The following MDGA2 variants were observed in gnomAD, a reference collection of about 807,000 sequenced individuals.
The protein encoded by MDGA2 is MAM domain-containing glycosylphosphatidylinositol anchor protein 2.
A neutral mutation model predicts 117.8 loss-of-function variants in MDGA2; 40 were observed. The ratio of observed to expected loss-of-function variants is 0.34; its 90% confidence interval spans 0.26 to 0.44. MDGA2 has a LOEUF of 0.44. Ranked by LOEUF, MDGA2 falls within the 20% of genes least tolerant of loss-of-function variation. MDGA2 has a pLI of 1.00. For missense variants in MDGA2, 1,123 were observed against 1,250.6 expected (o/e 0.90, Z 1.54); for synonymous variants, 452 against 439.0 (o/e 1.03, Z -0.37).
chr14:47,341,070 G>T (rs780927544), intron 1 of MDGA2, among the ~76,000 whole-genome samples: 1 of 152,108 alleles, frequency 6.6e-6, no homozygotes, highest in Non-Finnish European at 1.5e-5. Context: ...ACAGCAGCTT[G>T]TTGTTGCTTT....
chr14:47,363,280 C>T (rs998230397), intron 1 of MDGA2, among the ~76,000 whole-genome samples: 2 of 151,788 alleles, frequency 1.3e-5, no homozygotes, highest in Non-Finnish European at 2.9e-5. Context: ...TTTTTTGAGA[C>T]GGAGTCTTGC....
At chr14:47,266,903 C>T (rs1162242347) in intron 2 of MDGA2, among the ~76,000 whole-genome samples, 2 of 152,192 alleles carry the variant, frequency 1.3e-5, no homozygotes, top group Non-Finnish European at 2.9e-5. Context: ...TTATCCAGAA[C>T]ATCCCCATTC....
intron 1 of MDGA2, among the ~76,000 whole-genome samples, chr14:47,390,877 C>A (rs1891878368): frequency 6.6e-6 from 1 of 152,098 alleles, no homozygotes; most frequent in African/African-American, 2.4e-5. Context: ...TTCTTGATAT[C>A]CTTGGCTGAA....
chr14:47,456,294 C>CTTTT lies in MDGA2; in HGVS notation c.281-154748_281-154745dup, dbSNP rs56176876. On this transcript the variant is annotated intron_variant, in intron 1 of 16. Transcript: ENST00000399232. ...CAGTGTGAGCAAGAAAATTGTTTAC[C>CTTTT]TTTTTTTTTTTTTTTGAGAAGGAGT... 7.8e-5 allele frequency among the ~76,000 whole-genome samples: 11 copies of CTTTT among 140,640 alleles called. 1 individual carries two copies. The highest frequency in any genetic ancestry group is 2.1e-4 in the East Asian group (1 of 4,738). The allele number at this position is 140,640 out of a possible 152,430, so 92.3% of individuals were successfully genotyped here. A position where few individuals can be genotyped will look rare whatever the true frequency, so the allele number is the denominator to read the frequency against.
At chr14:47,404,741 G>A (rs551820813) in intron 1 of MDGA2, among the ~76,000 whole-genome samples, 31 of 152,166 alleles carry the variant, frequency 2.0e-4, no homozygotes, top group Non-Finnish European at 3.5e-4. Context: ...CAATCCTCCC[G>A]CCTTGGCCTC....
At chr14:47,627,805 T>G (rs1041126807) in intron 1 of MDGA2, among the ~76,000 whole-genome samples, 3 of 152,300 alleles carry the variant, frequency 2.0e-5, no homozygotes, top group Non-Finnish European at 4.4e-5. Flanking sequence ...ACTCTTTGGG[T>G]CCACACTGCC....
At chr14:47,333,893 T>C (rs1566743023) in intron 1 of MDGA2, among the ~76,000 whole-genome samples, 1 of 151,876 alleles carries the variant, frequency 6.6e-6, no homozygotes, top group Non-Finnish European at 1.5e-5. Context: ...TTTATTAAAA[T>C]GATTTCTCAG....
rs911103719 is a variant in MDGA2 at position 47,665,500 on chromosome 14, C to A, written c.280+9017G>T. On this transcript the variant is annotated intron_variant, in intron 1 of 16. Coordinates refer to ENST00000399232, the MANE Select transcript of MDGA2 (RefSeq NM_001113498.3). ...TCTCCGGGCTGGCTGAGGCTGGAGC[C>A]GGCTCCCTCGGCTTGTGGGGAGGTG... Among the ~76,000 whole-genome samples, 6 of 152,126 alleles carry A rather than the reference C, an allele frequency of 3.9e-5. No homozygotes were observed. In the South Asian group the frequency reaches 1.2e-3, roughly 31 times the overall value.
chr14:47,083,995 T>C (rs2416020), intron 6 of MDGA2, among the ~76,000 whole-genome samples: 1 of 151,856 alleles, frequency 6.6e-6, no homozygotes, highest in Non-Finnish European at 1.5e-5. Context: ...GACTTTGATA[T>C]TCCCCCCTTT....
chr14:47,241,619 AAATT>A (rs1164785972), intron 2 of MDGA2, among the ~76,000 whole-genome samples: 1 of 151,886 alleles, frequency 6.6e-6, no homozygotes, highest in Non-Finnish European at 1.5e-5. Context: ...TTTGTGGCCC[AAATT>A]ATTTATATGA....
At chr14:47,395,226 C>T (rs1033258587) in intron 1 of MDGA2, among the ~76,000 whole-genome samples, 5 of 152,030 alleles carry the variant, frequency 3.3e-5, no homozygotes, top group Non-Finnish European at 7.4e-5. Flanking sequence ...AATATCACAC[C>T]TAAACAAATT....
chr14:46,953,271 G>A (rs1438669844), intron 9 of MDGA2, among the ~76,000 whole-genome samples: 1 of 151,044 alleles, frequency 6.6e-6, no homozygotes, highest in Non-Finnish European at 1.5e-5. Flanking sequence ...TATAATTTAT[G>A]GTTATGCAAT....
chr14:47,095,887 G>A (rs1448537507), intron 6 of MDGA2, among the ~76,000 whole-genome samples: 1 of 151,742 alleles, frequency 6.6e-6, no homozygotes, highest in Non-Finnish European at 1.5e-5. Flanking sequence ...ATTTTCATTT[G>A]CGTGTTCAAA....
chr14:47,338,298 T>C (rs1890520132), intron 1 of MDGA2, among the ~76,000 whole-genome samples: 1 of 151,980 alleles, frequency 6.6e-6, no homozygotes, highest in Non-Finnish European at 1.5e-5. Flanking sequence ...AGATAGGATA[T>C]ATTAAATATG....
intron 4 of MDGA2, among the ~76,000 whole-genome samples, chr14:47,137,526 C>T (rs10140072): frequency 0.18 from 27,839 of 152,016 alleles, 2,743 homozygotes; most frequent in East Asian, 0.3. Flanking sequence ...TCTCTTGCTT[C>T]CTCTCTCATC....
At chr14:47,337,455 A>G (rs1428436872) in intron 1 of MDGA2, among the ~76,000 whole-genome samples, 1 of 152,056 alleles carries the variant, frequency 6.6e-6, no homozygotes, top group African/African-American at 2.4e-5. Context: ...TATCTGACTA[A>G]TTTGGCAAGA....
intron 1 of MDGA2, among the ~76,000 whole-genome samples, chr14:47,307,549 T>C (rs1889493183): frequency 6.6e-6 from 1 of 151,844 alleles, no homozygotes; most frequent in Admixed American, 6.6e-5. Context: ...GGTGTGGTGG[T>C]GGGTGCCTGT....
intron 1 of MDGA2, among the ~76,000 whole-genome samples, chr14:47,389,739 A>G (rs1566765724): frequency 6.6e-6 from 1 of 152,060 alleles, no homozygotes; most frequent in African/African-American, 2.4e-5. Context: ...GGGTGAAAAA[A>G]GGGGGGAGGG....
chr14:46,962,265 G>A lies in MDGA2; in HGVS notation c.1820-4622C>T, dbSNP rs978845031. On this transcript the variant is annotated intron_variant, in intron 8 of 16. Coordinates refer to ENST00000399232, the MANE Select transcript of MDGA2 (RefSeq NM_001113498.3). The stretch of plus-strand genomic sequence containing the variant: ...GGTCAACTTGTAACTATAATTTCAA[G>A]AATGGATAACCACATCATCCCATCC... Among the ~76,000 whole-genome samples, 4 of 152,172 alleles carry A rather than the reference G, an allele frequency of 2.6e-5. No homozygotes were observed. The East Asian group carries it at 5.8e-4, about 22-fold the overall frequency.
Sources: gnomAD v4.1 joint callset for allele counts (sites outside exome capture counted in the v4.1 genomes callset) on GRCh38, gnomAD v4.1.1 for gene constraint, MANE v1.5 for transcripts, NCBI Gene and HGNC (gene_info 2026-07-23, HGNC 2026-07-21) for gene names.